The following SERINC4 variants were observed in gnomAD, a reference collection of about 807,000 sequenced individuals.
SERINC4 encodes serine incorporator 4.
Under a neutral mutation model 52.0 loss-of-function variants are expected in SERINC4, and 52 were observed. The ratio of observed to expected loss-of-function variants is 1.00; its 90% CI spans 0.80 to 1.26. The LOEUF (loss-of-function observed/expected upper bound fraction) is 1.26. Ranked by LOEUF, SERINC4 falls within the 50% of genes most tolerant of loss-of-function variation. The pLI is 0.00. For missense variants in SERINC4, 723 were observed against 632.8 expected (o/e 1.14, Z -1.53); for synonymous variants, 264 against 247.7 (o/e 1.07, Z -0.62).
Position 43,799,043 on chromosome 15 carries a change from C to T in SERINC4, c.374G>A (p.Gly125Glu). 1.3e-6 allele frequency: 2 copies of T among 1,550,504 alleles called. No homozygotes were observed. Among genetic ancestry groups the T allele is most frequent in the Middle Eastern group, 1.7e-4 (1 of 5,992 alleles). The change falls in exon 3 of 12, where the codon GGA (glycine) becomes GAA (glutamate). Residue 125 changes from glycine to glutamate, a missense_variant. Coordinates refer to ENST00000319327, the MANE Select transcript of SERINC4 (RefSeq NM_001258031.2). Reference sequence around the variant, plus strand: ...CTGCAGCAGGTGGAAGGTGGCGGTTCCTGCACATACTCGGTACACAGCCCC... The same window carrying T: ...CTGCAGCAGGTGGAAGGTGGCGGTTTCTGCACATACTCGGTACACAGCCCC... ...GSGAVYRVCA[G>E]TATFHLLQAV...
rs931195241 is a variant in SERINC4 at position 43,794,575 on chromosome 15, T to G, written c.*425A>C. On this transcript the variant is annotated 3_prime_UTR_variant, in exon 12 of 12. Transcript: ENST00000319327. ...CTCCTTTCTTCTATGCCCTGGTTTG[T>G]TCTGTGGTTCTGGGCTTCTTATATC... 1 of 169,872 alleles carries G rather than the reference T, an allele frequency of 5.9e-6. No homozygotes were observed. The highest frequency in any genetic ancestry group is 1.6e-4 in the East Asian group (1 of 6,078). The allele number at this position is 169,872 out of a possible 1,614,324, so 10.5% of individuals were successfully genotyped here.
At chr15:43,796,979 T>C (rs1596047187) in intron 6 of SERINC4, 39 bp from the exon 7 acceptor site, 1 of 1,565,580 alleles carries the variant, frequency 6.4e-7, no homozygotes, top group Non-Finnish European at 8.8e-7. Flanking sequence ...TACAGGCTGG[T>C]AATTTCCTCC....
Position 43,799,966 on chromosome 15 carries a change from G to A in SERINC4, c.21C>T (p.Gly7=), listed in dbSNP as rs1334072609. 3 of 1,544,908 alleles carry A rather than the reference G, an allele frequency of 1.9e-6. No homozygotes were observed. Among genetic ancestry groups the A allele is most frequent in the Non-Finnish European group, 2.6e-6 (3 of 1,144,998 alleles). The change falls in exon 1 of 12, where the codon GGC becomes GGT. Residue 7 remains glycine, a synonymous_variant. Transcript: ENST00000319327. The part of the protein sequence containing the change: MVGAKA[G]PSPGTSLGLA... ...GGCCCAGGGAGGTGCCGGGGCTGGG[G>A]CCGGCCTTGGCACCCACCATCCTTG...
At position 43,796,959 on chromosome 15, in the gene SERINC4, T is replaced by G. The variant is rs372088236; in HGVS notation, c.845-19A>C. On this transcript the variant is annotated intron_variant, in intron 6 of 11. Coordinates refer to ENST00000319327, the MANE Select transcript of SERINC4 (RefSeq NM_001258031.2). The stretch of plus-strand genomic sequence containing the variant: ...GGTTGCTCTGGGGAGTAAGTATAAT[T>G]GCTTTAGTCTACAGGCTGGTAATTT... The G allele has an allele frequency of 1.6e-4, 261 of 1,597,720 alleles. No individual in the cohort carries two copies. Among genetic ancestry groups the G allele is most frequent in the Admixed American group, 6.5e-4 (39 of 59,956 alleles).
chr15:43,794,924 G>T lies in SERINC4; in HGVS notation c.*76C>A. On this transcript the variant is annotated 3_prime_UTR_variant, in exon 12 of 12. Coordinates refer to ENST00000319327, the MANE Select transcript of SERINC4 (RefSeq NM_001258031.2). ...ACTCCCTGTGTGTCCTTGAGGTATT[G>T]AGCTGGGCTGGACAGCTCCCCTTGA... 1 of 1,137,030 alleles carries T rather than the reference G, an allele frequency of 8.8e-7. No individual in the cohort carries two copies. The highest frequency in any genetic ancestry group is 1.3e-6 in the Non-Finnish European group (1 of 789,080). The allele number at this position is 1,137,030 out of a possible 1,614,324, so 70.4% of individuals were successfully genotyped here. A position where few individuals can be genotyped will look rare whatever the true frequency, so the allele number is the denominator to read the frequency against.
rs190981490 is a variant in SERINC4 at position 43,796,714 on chromosome 15, C to T, written c.969G>A (p.Leu323=). 1.9e-6 allele frequency: 3 copies of T among 1,613,984 alleles called. No homozygotes were observed. The highest frequency in any genetic ancestry group is 1.7e-5 in the Admixed American group (1 of 59,984). The change falls in exon 8 of 12, where the codon CTG becomes CTA. Residue 323 remains leucine (L), a synonymous_variant. Transcript: ENST00000319327. ...CCATTTTACTCAGGCCAGGCAGGCA[C>T]AGGGTGTGATTCTGTCCTTGAAGGA... ...RVILQGQNHT[L]CLPGLSKMEP... is the part of the protein sequence containing the mutation.
chr15:43,796,004 A>G, intron 9 of SERINC4, 151 bp downstream of exon 9: 1 of 687,606 alleles, frequency 1.5e-6, no homozygotes, highest in Non-Finnish European at 2.6e-6. Flanking sequence ...ATGTAAAAGT[A>G]TCTAGCACAG....
intron 4 of SERINC4, 32 bp from the exon 5 acceptor site, chr15:43,798,045 A>G (rs368518827): frequency 1.9e-6 from 3 of 1,539,422 alleles, no homozygotes; most frequent in Non-Finnish European, 2.7e-6. Context: ...AAAAATGTCA[A>G]ATTGTTACTT....
Position 43,796,240 on chromosome 15 carries a change from A to G in SERINC4, c.1068-13T>C, listed in dbSNP as rs144011722. On this transcript the variant is annotated splice_polypyrimidine_tract_variant and intron_variant, in intron 8 of 11. Transcript: ENST00000319327. The stretch of plus-strand genomic sequence containing the variant: ...GGAGGCCTCATTGCTGAGAAAGAAT[A>G]GAGTTCTTAAGCTGGTTTAGTTAAA... The G allele has an allele frequency of 3.3e-5, 53 of 1,604,862 alleles. No individual in the cohort carries two copies. The highest frequency in any genetic ancestry group is 4.4e-5 in the Non-Finnish European group (52 of 1,171,602).
intron 1 of SERINC4, 33 bp from the exon 2 acceptor site, chr15:43,799,519 G>A (rs1322981204): frequency 6.4e-7 from 1 of 1,550,746 alleles, no homozygotes; most frequent in South Asian, 1.2e-5. Flanking sequence ...GCAGCGAGGT[G>A]GAGACTTGCT....
Position 43,799,927 on chromosome 15 carries a change from G to A in SERINC4, c.60C>T (p.His20=). 1 of 1,549,772 alleles carries A rather than the reference G, an allele frequency of 6.5e-7. No homozygotes were observed. The highest frequency in any genetic ancestry group is 8.7e-7 in the Non-Finnish European group (1 of 1,146,668). The change falls in exon 1 of 12, where the codon CAC becomes CAT. Residue 20 remains histidine (H), a synonymous_variant. Transcript: ENST00000319327. ...PGTSLGLAQQ[H]SGGSSVLVKS... ...TCACTAGGACACTGCTGCCTCCGCT[G>A]TGCTGCTGTGCCAGGCCCAGGGAGG... is the stretch of plus-strand genomic sequence containing the variant.
chr15:43,799,394 G>C lies in SERINC4; in HGVS notation c.195C>G (p.Ile65Met). ...TASTCSRLFY[I>M]LLHVGASAIC... The stretch of plus-strand genomic sequence containing the variant: ...TTGCTGAGGCCCCCACATGGAGGAG[G>C]ATGTAGAACAGGCGGCTGCAAGTGG... The change falls in exon 2 of 12, where the codon ATC becomes ATG. Residue 65 changes from isoleucine (I) to methionine (M), a missense_variant. By Grantham distance (10) the Ile-to-Met change is conservative (BLOSUM62 1). Coordinates refer to ENST00000319327, the MANE Select transcript of SERINC4 (RefSeq NM_001258031.2). 3 of 1,551,030 alleles carry C rather than the reference G, an allele frequency of 1.9e-6. No homozygotes were observed. The highest frequency in any genetic ancestry group is 2.6e-6 in the Non-Finnish European group (3 of 1,147,080).
At chr15:43,799,707 T>C (rs1190436310) in intron 1 of SERINC4, 178 bp downstream of exon 1, 2 of 815,578 alleles carry the variant, frequency 2.5e-6, no homozygotes, top group South Asian at 2.9e-5. Context: ...TTGAGATATC[T>C]GACCTTTCTC....
chr15:43,799,295 C>A lies in SERINC4; in HGVS notation c.279+15G>T. 1 of 1,548,230 alleles carries A rather than the reference C, an allele frequency of 6.5e-7. No homozygotes were observed. Among genetic ancestry groups the A allele is most frequent in the Non-Finnish European group, 8.7e-7 (1 of 1,144,708 alleles). ...TATCTCTTCCCACCTGACAACCCGACCCCCTCTCACTTACCCTGTGTGTCT... is the reference window on the plus strand; with the variant it reads ...TATCTCTTCCCACCTGACAACCCGAACCCCTCTCACTTACCCTGTGTGTCT... On this transcript the variant is annotated intron_variant, in intron 2 of 11. Coordinates refer to ENST00000319327, the MANE Select transcript of SERINC4 (RefSeq NM_001258031.2).
chr15:43,796,027 TTG>T, intron 9 of SERINC4, 126 bp downstream of exon 9: 1 of 747,482 alleles, frequency 1.3e-6, no homozygotes, highest in Non-Finnish European at 2.3e-6. Context: ...GCCTAGCACA[TTG>T]TGGGTACTCA....
rs996367017 is a variant in SERINC4 at position 43,799,423 on chromosome 15, C to G, written c.166G>C (p.Ala56Pro). The change falls in exon 2 of 12, where the codon GCA becomes CCA. Residue 56 changes from alanine (A) to proline (P), a missense_variant. Physicochemically the swap from Ala to Pro is conservative, Grantham distance 27 (BLOSUM62 -1). Coordinates refer to ENST00000319327, the MANE Select transcript of SERINC4 (RefSeq NM_001258031.2). ...TAGAACAGGCGGCTGCAAGTGGATGCGGTGAGAGAGGGCCACCTAGAGTGG... is the reference window on the plus strand; with the variant it reads ...TAGAACAGGCGGCTGCAAGTGGATGGGGTGAGAGAGGGCCACCTAGAGTGG... ...CCHSRWPSLT[A>P]STCSRLFYIL... 5.8e-6 allele frequency: 9 copies of G among 1,550,728 alleles called. No homozygotes were observed. In the African/African-American group the frequency reaches 8.2e-5, roughly 14 times the overall value.
intron 10 of SERINC4, 35 bp downstream of exon 10, chr15:43,795,653 C>G (rs774611552): frequency 6.2e-7 from 1 of 1,611,984 alleles, no homozygotes. Context: ...CCACAGAGAT[C>G]TACCACTTCT....
Position 43,794,835 on chromosome 15 carries a change from A to C in SERINC4, c.*165T>G. ...CAGTGAGTCAGACACTCTGCCCAGC[A>C]CATTAGACTGTGTTTGACCACTTCT... On this transcript the variant is annotated 3_prime_UTR_variant, in exon 12 of 12. Coordinates refer to ENST00000319327, the MANE Select transcript of SERINC4 (RefSeq NM_001258031.2). 1 of 616,126 alleles carries C rather than the reference A, an allele frequency of 1.6e-6. No individual in the cohort carries two copies. Among genetic ancestry groups the C allele is most frequent in the Non-Finnish European group, 2.9e-6 (1 of 350,062 alleles). The allele number at this position is 616,126 out of a possible 1,614,324, so 38.2% of individuals were successfully genotyped here.
chr15:43,798,397 C>T, intron 4 of SERINC4, 28 bp downstream of exon 4: 2 of 1,558,882 alleles, frequency 1.3e-6, no homozygotes, highest in Non-Finnish European at 1.8e-6. Context: ...TTAGCCTACT[C>T]CTGCCAAGAG....
Sources: gnomAD v4.1 joint callset for allele counts on GRCh38, gnomAD v4.1.1 for gene constraint, MANE v1.5 for transcripts, NCBI Gene and HGNC (gene_info 2026-07-23, HGNC 2026-07-21) for gene names.